PAAF1: variants seen among roughly 807,000 people sequenced by gnomAD.
PAAF1 encodes the protein proteasomal ATPase associated factor 1, also known as proteasomal ATPase-associated factor 1.
PAAF1 carries 46 observed loss-of-function variants against 52.8 expected under a neutral mutation model. The ratio of observed to expected loss-of-function variants is 0.87; its 90% confidence interval spans 0.69 to 1.11. PAAF1 has a LOEUF of 1.11. Among genes scored for constraint, PAAF1 ranks in the 50% most tolerant of loss-of-function variants. The probability of loss-of-function intolerance (pLI) is 0.00; values close to 1 mark genes in which losing one functional copy is unlikely to be tolerated. For synonymous variants in PAAF1, 178 were observed against 172.8 expected (o/e 1.03, Z -0.24); for missense variants, 424 against 477.4 (o/e 0.89, Z 1.04).
In PAAF1 at chr11:73,926,631, C is replaced by G. The variant is rs560103944; in HGVS notation, c.1102-654C>G. 3.6e-3 allele frequency among the ~76,000 whole-genome samples: 542 copies of G among 152,196 alleles called. 7 individuals carry two copies. Among genetic ancestry groups the G allele is most frequent in the African/African-American group, 0.013 (534 of 41,548 alleles). On this transcript the variant is annotated intron_variant, in intron 11 of 11. Coordinates refer to ENST00000310571, the MANE Select transcript of PAAF1 (RefSeq NM_025155.3). ...GGCTGAGGCAGGAGAATGGCGTGAA[C>G]CCGGGAGGCGGAGCTTGCAGTGAGC...
intron 10 of PAAF1, 124 bp from the exon 11 acceptor site, chr11:73,924,491 C>CA: frequency 2.7e-6 from 2 of 749,212 alleles, no homozygotes; most frequent in East Asian, 5.3e-5. Flanking sequence ...ATCTATTTGC[C>CA]ATTCTGGGTC....
chr11:73,910,882 C>A (rs148454913), intron 7 of PAAF1, among the ~76,000 whole-genome samples: 2 of 150,274 alleles, frequency 1.3e-5, no homozygotes, highest in Admixed American at 1.3e-4. Flanking sequence ...CCCAGCTACT[C>A]GGGAGGCTAA....
intron 10 of PAAF1, chr11:73,921,830 C>T (rs1176329791): frequency 1.8e-6 from 2 of 1,133,936 alleles, no homozygotes; most frequent in Non-Finnish European, 2.6e-6. Flanking sequence ...TGTTTGTTTG[C>T]AGGTTTGGGA....
chr11:73,886,983 C>G (rs539628785), intron 2 of PAAF1: 1 of 442,840 alleles, frequency 2.3e-6, no homozygotes, highest in Non-Finnish European at 4.5e-6. Flanking sequence ...TCCTCTCTCA[C>G]CATGTGATCT....
upstream of PAAF1, chr11:73,876,822 TTGGGGATCCTC>T (rs1288092826): frequency 1.7e-5 from 8 of 457,170 alleles, no homozygotes; most frequent in Non-Finnish European, 2.5e-5. Context: ...TCGCAGGCGG[TTGGGGATCCTC>T]TGTACATCCT....
chr11:73,889,042 A>G (rs1949134082), intron 3 of PAAF1: 1 of 634,482 alleles, frequency 1.6e-6, no homozygotes, highest in Non-Finnish European at 2.8e-6. Context: ...ATAATCAAAG[A>G]CAGACTGTAT....
intron 4 of PAAF1, among the ~76,000 whole-genome samples, chr11:73,896,978 G>T (rs1949397181): frequency 7.5e-6 from 1 of 132,910 alleles, no homozygotes; most frequent in Non-Finnish European, 1.6e-5. Context: ...GGGCGGGGGG[G>T]CTGACCCCCC....
intron 2 of PAAF1, chr11:73,879,998 G>A (rs1948848300): frequency 1.3e-5 from 2 of 151,706 alleles, no homozygotes; most frequent in Admixed American, 1.3e-4. Context: ...CACCATTCTG[G>A]GAGGCCAAGG....
At chr11:73,926,766 C>G (rs1169720621) in intron 11 of PAAF1, among the ~76,000 whole-genome samples, 1 of 152,142 alleles carries the variant, frequency 6.6e-6, no homozygotes, top group Non-Finnish European at 1.5e-5. Context: ...CAACACATTT[C>G]CATTGTACAA....
intron 10 of PAAF1, among the ~76,000 whole-genome samples, chr11:73,922,892 G>A (rs1259472262): frequency 6.6e-6 from 1 of 151,622 alleles, no homozygotes; most frequent in Non-Finnish European, 1.5e-5. Flanking sequence ...TATTAGTGAG[G>A]AGATTTAAGT....
chr11:73,884,554 G>A (rs1949008084), intron 2 of PAAF1, among the ~76,000 whole-genome samples: 2 of 152,154 alleles, frequency 1.3e-5, no homozygotes, highest in South Asian at 4.1e-4. Context: ...TTGAGTGATT[G>A]GTTGAAATGA....
Position 73,900,395 on chromosome 11 carries a change from G to A in PAAF1, c.507G>A (p.Val169=). The part of the protein sequence containing the change: ...KIWSAEDASC[V]VTFKGHKGGI... ...GGTCAGCTGAAGATGCTAGCTGCGT[G>A]GTGACCTTCAAAGGTCACAAAGGAG... The change falls in exon 6 of 12, where the codon GTG becomes GTA. Residue 169 remains valine, a synonymous_variant. Transcript: ENST00000310571. The A allele has an allele frequency of 6.2e-7, 1 of 1,610,950 alleles. No individual in the cohort carries two copies. The highest frequency in any genetic ancestry group is 1.7e-5 in the Admixed American group (1 of 59,856).
chr11:73,876,970 A>G, upstream of PAAF1: 1 of 1,486,360 alleles, frequency 6.7e-7, no homozygotes, highest in Non-Finnish European at 9.0e-7. Flanking sequence ...CTTCTCGGGG[A>G]CTCACTTCCG....
chr11:73,900,630 G>A (rs1033464779), intron 6 of PAAF1, among the ~76,000 whole-genome samples: 1 of 152,174 alleles, frequency 6.6e-6, no homozygotes, highest in African/African-American at 2.4e-5. Flanking sequence ...CAGTTGGTTT[G>A]ATACCTAAAG....
intron 6 of PAAF1, among the ~76,000 whole-genome samples, chr11:73,908,371 ATGTATATATATGTGTGTATATATATATG>A (rs1949829918): frequency 1.4e-5 from 2 of 141,972 alleles, no homozygotes; most frequent in East Asian, 2.0e-4. Flanking sequence ...GTATATATAT[ATGTATATATATGTGTGTATATATATATG>A]TGTATATATA....
chr11:73,920,756 G>A (rs1410995983), intron 10 of PAAF1, among the ~76,000 whole-genome samples: 1 of 151,858 alleles, frequency 6.6e-6, no homozygotes, highest in Non-Finnish European at 1.5e-5. Flanking sequence ...GGAGGCTGAG[G>A]GAAGAGAATC....
rs758177157 is a variant in PAAF1, at chr11:73,914,490, C to T, written c.805C>T (p.Gln269Ter). 3.1e-6 allele frequency: 5 copies of T among 1,613,984 alleles called. No homozygotes were observed. The highest frequency in any genetic ancestry group is 3.4e-6 in the Non-Finnish European group (4 of 1,179,912). Reference sequence around the variant, plus strand: ...TAAGAAACTTCAGTGCTTGGGACTACAGAGCAGGCAGCTGGCAAGTGGTTC... The same window carrying T: ...TAAGAAACTTCAGTGCTTGGGACTATAGAGCAGGCAGCTGGCAAGTGGTTC... ...EDKKLQCLGLQSRQLVFLFIG... is the reference protein window; with the variant it reads ...EDKKLQCLGL The change falls in exon 8 of 12, where the codon CAG (glutamine) becomes TAG (stop). Residue 269 changes from glutamine to a stop codon, truncating the protein, a stop_gained. Transcript: ENST00000310571. LOFTEE classifies it high-confidence loss of function.
chr11:73,880,647 A>G (rs1203623122), intron 2 of PAAF1: 4 of 129,102 alleles, frequency 3.1e-5, no homozygotes, highest in African/African-American at 1.2e-4. Flanking sequence ...AGATAGTGCC[A>G]CCGCATTCCA....
intron 7 of PAAF1, among the ~76,000 whole-genome samples, chr11:73,911,687 G>A (rs776274696): frequency 1.4e-5 from 2 of 147,742 alleles, no homozygotes; most frequent in Admixed American, 6.8e-5. Context: ...GCAGTGGTGC[G>A]ATCTCTTGGC....
Sources: allele counts gnomAD v4.1 joint callset (sites outside exome capture counted in the v4.1 genomes callset), GRCh38; gene constraint gnomAD v4.1.1; transcripts MANE v1.5; gene names NCBI Gene and HGNC (gene_info 2026-07-23, HGNC 2026-07-21).